Variants in SAMHD1 observed in about 807,000 individuals in gnomAD.
The protein encoded by SAMHD1 is deoxynucleoside triphosphate triphosphohydrolase SAMHD1.
Under a neutral mutation model 79.6 loss-of-function variants are expected in SAMHD1, and 54 were observed. The observed-to-expected ratio is 0.68, with a 90% CI of 0.55 to 0.85. The LOEUF (loss-of-function observed/expected upper bound fraction) is 0.85. Ranked by LOEUF, SAMHD1 falls within the 40% of genes least tolerant of loss-of-function variation. The probability of loss-of-function intolerance (pLI) is 0.00; values close to 1 mark genes in which losing one functional copy is unlikely to be tolerated. For synonymous variants in SAMHD1, 260 were observed against 264.1 expected, an observed-to-expected ratio of 0.98 and a Z score of 0.15; for missense variants, 663 against 782.7, an observed-to-expected ratio of 0.85 and a Z score of 1.82.
chr20:36,942,698 G>C (rs1006834914), intron 2 of SAMHD1, among the ~76,000 whole-genome samples: 2 of 151,620 alleles, frequency 1.3e-5, no homozygotes, highest in Non-Finnish European at 2.9e-5. Flanking sequence ...CCAGGCTGGA[G>C]TGCAGTGACG....
chr20:36,945,065 C>G (rs1232795098), intron 2 of SAMHD1, among the ~76,000 whole-genome samples: 1 of 152,046 alleles, frequency 6.6e-6, no homozygotes, highest in East Asian at 1.9e-4. Context: ...GAGACAGGGT[C>G]TTATTCTGCT....
intron 3 of SAMHD1, chr20:36,940,642 T>A: frequency 3.9e-6 from 1 of 254,020 alleles, no homozygotes; most frequent in Admixed American, 5.2e-5. Flanking sequence ...GAGGTTGGAG[T>A]GAGCTGAGAT....
intron 13 of SAMHD1, among the ~76,000 whole-genome samples, chr20:36,901,144 A>G (rs1479369554): frequency 6.6e-6 from 1 of 152,162 alleles, no homozygotes; most frequent in Non-Finnish European, 1.5e-5. Flanking sequence ...CCTGAAAAAG[A>G]GGAGAGGGGA....
chr20:36,904,206 G>A lies in SAMHD1; in HGVS notation c.1454C>T (p.Pro485Leu). The A allele has an allele frequency of 1.2e-6, 2 of 1,613,674 alleles. No homozygotes were observed. Among genetic ancestry groups the A allele is most frequent in the Non-Finnish European group, 1.7e-6 (2 of 1,179,794 alleles). ...SLPKEVASAK[P>L]KVLLDVKLKA... is the part of the protein sequence containing the mutation. Reference sequence around the variant, plus strand: ...CAGTTTCACGTCTAGCAATACTTTGGGTTTAGCACTGGCAACCTCTTTTGG... The same window carrying A: ...CAGTTTCACGTCTAGCAATACTTTGAGTTTAGCACTGGCAACCTCTTTTGG... The change falls in exon 13 of 16, where the codon CCC (proline) becomes CTC (leucine). Residue 485 changes from proline to leucine, a missense_variant. Physicochemically the swap from Pro to Leu is moderately conservative, Grantham distance 98 (BLOSUM62 -3). Transcript: ENST00000646673.
rs2063596000 is a variant in SAMHD1 at position 36,935,245 on chromosome 20, T to A, written c.349-56A>T. The stretch of plus-strand genomic sequence containing the variant: ...ACGACATGTAAGTCCAACTGAAATT[T>A]GTGTGCAGCCATTCCTAATTATAGT... On this transcript the variant is annotated intron_variant, in intron 3 of 15. Coordinates refer to ENST00000646673, the MANE Select transcript of SAMHD1 (RefSeq NM_015474.4). The A allele has an allele frequency of 1.3e-5, 18 of 1,413,454 alleles. 1 individual carries two copies. In the South Asian group the frequency reaches 2.0e-4, roughly 15 times the overall value. 87.6% of individuals were successfully genotyped at this position (1,413,454 alleles called of 1,614,324 possible).
chr20:36,895,317 A>AT (rs1353223400), intron 15 of SAMHD1, among the ~76,000 whole-genome samples: 3 of 151,650 alleles, frequency 2.0e-5, no homozygotes, highest in Non-Finnish European at 2.9e-5. Context: ...TAACCCAGAC[A>AT]ACTCCTCACT....
Position 36,951,427 on chromosome 20 carries a change from A to G in SAMHD1, c.208+9T>C. The G allele has an allele frequency of 6.2e-7, 1 of 1,613,352 alleles. No homozygotes were observed. Among genetic ancestry groups the G allele is most frequent in the Non-Finnish European group, 8.5e-7 (1 of 1,179,816 alleles). On this transcript the variant is annotated intron_variant, in intron 1 of 15. Transcript: ENST00000646673. ...GCCCTTCGCCCCTCAGCCCCTCCGG[A>G]GCCGCTACCTCGGATGTTCTTCAGC... is the stretch of plus-strand genomic sequence containing the variant.
rs2063480794 is a variant in SAMHD1, at chr20:36,917,023, G to C, written c.879C>G (p.Asn293Lys). ...SLWPYKGRPE[N>K]KSFLYEIVSN... is the part of the protein sequence containing the mutation. ...ATACTATCTCATAAAGGAAGCTTTTGTTTTCAGGACGCCCTTTATATGGCC... is the reference window on the plus strand; with the variant it reads ...ATACTATCTCATAAAGGAAGCTTTTCTTTTCAGGACGCCCTTTATATGGCC... The change falls in exon 8 of 16, where the codon AAC (asparagine) becomes AAG (lysine). Residue 293 changes from asparagine (N) to lysine (K), a missense_variant. Physicochemically the swap from Asn to Lys is moderately conservative, Grantham distance 94. Transcript: ENST00000646673. 6.8e-6 allele frequency: 11 copies of C among 1,613,722 alleles called. 2 individuals are homozygous for C. In the South Asian group the frequency reaches 1.2e-4, roughly 18 times the overall value.
chr20:36,931,285 C>T (rs1017145782), intron 4 of SAMHD1, among the ~76,000 whole-genome samples: 10 of 152,186 alleles, frequency 6.6e-5, no homozygotes, highest in African/African-American at 9.7e-5. Flanking sequence ...AACGGAATTA[C>T]CACAGTGATT....
intron 12 of SAMHD1, 176 bp from the exon 13 acceptor site, chr20:36,904,425 A>C: frequency 1.6e-6 from 1 of 622,780 alleles, no homozygotes; most frequent in South Asian, 1.7e-5. Context: ...TTTGTAAAAA[A>C]TTGTAAAAAG....
intron 4 of SAMHD1, chr20:36,934,657 CTTT>C (rs547804080): frequency 6.3e-5 from 7 of 111,890 alleles, no homozygotes; most frequent in East Asian, 2.6e-4. Flanking sequence ...CTTTTTCTTT[CTTT>C]TTTTTTTTTT....
chr20:36,908,767 C>T (rs915807930), intron 11 of SAMHD1, among the ~76,000 whole-genome samples: 3 of 152,062 alleles, frequency 2.0e-5, no homozygotes, highest in African/African-American at 7.2e-5. Flanking sequence ...TTCATTCTGT[C>T]AGTGTGCAGC....
chr20:36,941,552 G>A (rs1362022239), intron 2 of SAMHD1, among the ~76,000 whole-genome samples: 1 of 152,084 alleles, frequency 6.6e-6, no homozygotes, highest in Non-Finnish European at 1.5e-5. Flanking sequence ...TCCATTGTCA[G>A]TACTCCCTCA....
At chr20:36,898,598 A>G in intron 13 of SAMHD1, 54 bp from the exon 14 acceptor site, 1 of 1,333,376 alleles carries the variant, frequency 7.5e-7, no homozygotes, top group Non-Finnish European at 1.1e-6. Context: ...AACTGAACTC[A>G]GGGCTGTAGG....
At chr20:36,932,934 A>G (rs1011161629) in intron 4 of SAMHD1, among the ~76,000 whole-genome samples, 1 of 152,136 alleles carries the variant, frequency 6.6e-6, no homozygotes, top group Non-Finnish European at 1.5e-5. Flanking sequence ...TTTTTAAAGT[A>G]GGAATATCTG....
At chr20:36,928,106 GC>G (rs1274375466) in intron 5 of SAMHD1, among the ~76,000 whole-genome samples, 3 of 152,340 alleles carry the variant, frequency 2.0e-5, no homozygotes, top group African/African-American at 7.2e-5. Context: ...ATCCACTAGG[GC>G]CAGGTGTGGT....
intron 13 of SAMHD1, among the ~76,000 whole-genome samples, chr20:36,903,246 T>C (rs896360785): frequency 2.0e-5 from 3 of 152,080 alleles, no homozygotes; most frequent in East Asian, 1.9e-4. Flanking sequence ...GCTGAGACTA[T>C]TGGCCTGAGG....
At chr20:36,944,693 G>T (rs1180552438) in intron 2 of SAMHD1, among the ~76,000 whole-genome samples, 1 of 152,050 alleles carries the variant, frequency 6.6e-6, no homozygotes, top group Non-Finnish European at 1.5e-5. Context: ...TCGGGAGTTC[G>T]AGACCAGCCT....
chr20:36,906,200 G>T (rs1247836329), intron 11 of SAMHD1, among the ~76,000 whole-genome samples: 1 of 152,194 alleles, frequency 6.6e-6, no homozygotes, highest in Admixed American at 6.5e-5. Context: ...CAATTTGGGA[G>T]GCCAAGGCAG....
Sources: allele counts gnomAD v4.1 joint callset (sites outside exome capture counted in the v4.1 genomes callset), GRCh38; gene constraint gnomAD v4.1.1; transcripts MANE v1.5; gene names NCBI Gene and HGNC (gene_info 2026-07-23, HGNC 2026-07-21).